ANO7: variants seen among roughly 807,000 people sequenced by gnomAD.
ANO7 encodes the protein anoctamin 7.
ANO7 carries 114 observed loss-of-function variants against 115.8 expected under a neutral mutation model. The ratio of observed to expected loss-of-function variants is 0.98; its 90% CI spans 0.85 to 1.15. The LOEUF (loss-of-function observed/expected upper bound fraction) is 1.15, where lower values mean the gene tolerates loss of function less well. Ranked by LOEUF, ANO7 falls within the 50% of genes most tolerant of loss-of-function variation. The pLI is 0.00. For synonymous variants in ANO7, 550 were observed against 498.2 expected (o/e 1.10, Z -1.38); for missense variants, 1,302 against 1,201.2 (o/e 1.08, Z -1.24).
rs1265689133 is a variant in ANO7, at chr2:241,207,571, C to T, written c.981-3C>T. 6.2e-7 allele frequency: 1 copy of T among 1,612,692 alleles called. No individual in the cohort carries two copies. The highest frequency in any genetic ancestry group is 1.7e-5 in the Admixed American group (1 of 60,014). On this transcript the variant is annotated splice_polypyrimidine_tract_variant and splice_region_variant and intron_variant, in intron 10 of 24. Transcript: ENST00000674324. ...TCCCACCCCTCCGCTCCATGCCTTG[C>T]AGGCAGGAACTGTGTGGCAGCAAGG...
chr2:241,230,287 C>T (rs750052815), downstream of ANO7: 15 of 1,470,070 alleles, frequency 1.0e-5, no homozygotes, highest in Middle Eastern at 5.3e-4. This position sits in a 1 kb window ranked among gnomAD's most constrained non-coding sequence, Gnocchi z 5.0. Context: ...GGGTGTACAA[C>T]GTCAGATGAG....
intron 1 of ANO7, 66 bp from the exon 2 acceptor site, chr2:241,189,991 C>A: frequency 7.8e-7 from 1 of 1,279,180 alleles, no homozygotes; most frequent in Non-Finnish European, 1.1e-6. Context: ...AGTGTGGTGG[C>A]CCCAGGAACG....
Position 241,199,352 on chromosome 2 carries a change from G to A in ANO7, c.346G>A (p.Ala116Thr), listed in dbSNP as rs141499501. The change falls in exon 5 of 25, where the codon GCC (alanine) becomes ACC (threonine). Residue 116 changes from alanine to threonine, a missense_variant. Ala to Thr is a moderately conservative substitution (Grantham distance 58). Transcript: ENST00000674324. ...GGACGGGAACACCACAGTGCACTAC[G>A]CCCTCCTCAGCGCCTCCTGGGCTGT... ...VQDGNTTVHY[A>T]LLSASWAVLC... is the part of the protein sequence containing the mutation. 61 of 1,613,680 alleles carry A rather than the reference G, an allele frequency of 3.8e-5. 1 individual carries two copies. The highest frequency in any genetic ancestry group is 8.3e-5 in the Admixed American group (5 of 60,022).
Position 241,209,280 on chromosome 2 carries a change from C to T in ANO7, c.1078-5C>T. 1 of 1,550,492 alleles carries T rather than the reference C, an allele frequency of 6.4e-7. No homozygotes were observed. Among genetic ancestry groups the T allele is most frequent in the African/African-American group, 1.4e-5 (1 of 73,356 alleles). ...AAGTCTGGACGCCCCCGCTCCCTGC[C>T]ACAGGCCGGCCGGCTGTTCGACCAC... On this transcript the variant is annotated splice_polypyrimidine_tract_variant and splice_region_variant and intron_variant, in intron 11 of 24. Coordinates refer to ENST00000674324, the MANE Select transcript of ANO7 (RefSeq NM_001370694.2).
intron 11 of ANO7, among the ~76,000 whole-genome samples, chr2:241,208,436 C>T (rs2068638022): frequency 6.6e-6 from 1 of 152,238 alleles, no homozygotes; most frequent in Non-Finnish European, 1.5e-5. Context: ...CTTCCATCTC[C>T]ACCTGGCCTT....
chr2:241,213,868 G>A (rs951938760), intron 17 of ANO7, among the ~76,000 whole-genome samples: 2 of 152,272 alleles, frequency 1.3e-5, no homozygotes, highest in Admixed American at 6.5e-5. Context: ...CATTTCATGT[G>A]AGAGGGGAAA....
chr2:241,209,770 GCCCCCAT>G, intron 13 of ANO7, 135 bp downstream of exon 13: 1 of 1,279,128 alleles, frequency 7.8e-7, no homozygotes, highest in Non-Finnish European at 1.0e-6. Context: ...CCGCAGAGAG[GCCCCCAT>G]GTGCCCGGGC....
the ANO7 span, chr2:241,239,865 C>T: frequency 2.5e-6 from 4 of 1,612,324 alleles, no homozygotes; most frequent in East Asian, 8.9e-5. This position sits in a 1 kb window ranked among gnomAD's most constrained non-coding sequence, Gnocchi z 4.6. Context: ...CCCATCACGG[C>T]CCCAGCAGAG....
chr2:241,238,619 C>A, the ANO7 span: 1 of 1,483,238 alleles, frequency 6.7e-7, no homozygotes, highest in Non-Finnish European at 9.0e-7. The surrounding 1 kb of genome is among the most constrained non-coding windows in gnomAD (Gnocchi z 4.9). Flanking sequence ...CCACTATTAA[C>A]AAGCAGAGCA....
rs1174512212 is a variant in ANO7 at position 241,224,090 on chromosome 2, T to C, written c.2584-7T>C. 1 of 1,613,852 alleles carries C rather than the reference T, an allele frequency of 6.2e-7. No individual in the cohort carries two copies. The highest frequency in any genetic ancestry group is 2.2e-5 in the East Asian group (1 of 44,856). ...TGACTTGTCCCTGCCCCCAACCCTC[T>C]CCCCAGCTCAGCTCCCACTGGACAC... On this transcript the variant is annotated splice_region_variant and splice_polypyrimidine_tract_variant and intron_variant, in intron 24 of 24. Coordinates refer to ENST00000674324, the MANE Select transcript of ANO7 (RefSeq NM_001370694.2).
intron 8 of ANO7, 143 bp downstream of exon 8, chr2:241,202,447 A>T (rs974251876): frequency 8.9e-6 from 6 of 673,710 alleles, no homozygotes; most frequent in Non-Finnish European, 1.5e-5. Context: ...ATGCACACAC[A>T]TGCGGCGATG....
rs2068463834 is a variant in ANO7, at chr2:241,201,279, A to G, written c.555-19A>G. On this transcript the variant is annotated intron_variant, in intron 6 of 24. Transcript: ENST00000674324. ...CCACAGCTTCCTCCAAACCTTCTGCACTGTTCACATGCCCACAGCTTCCTC... is the reference window on the plus strand; with the variant it reads ...CCACAGCTTCCTCCAAACCTTCTGCGCTGTTCACATGCCCACAGCTTCCTC... The G allele has an allele frequency of 1.9e-6, 3 of 1,589,806 alleles. No individual in the cohort carries two copies. The highest frequency in any genetic ancestry group is 1.7e-6 in the Non-Finnish European group (2 of 1,178,164).
chr2:241,208,860 A>G (rs1455814620), intron 11 of ANO7, among the ~76,000 whole-genome samples: 1 of 152,234 alleles, frequency 6.6e-6, no homozygotes, highest in South Asian at 2.1e-4. Flanking sequence ...TCCAAAACAC[A>G]GTCAGGGGGC....
chr2:241,189,335 C>T (rs1021001815), intron 1 of ANO7, among the ~76,000 whole-genome samples: 3 of 152,190 alleles, frequency 2.0e-5, no homozygotes, highest in African/African-American at 7.2e-5. Flanking sequence ...CTCCGACCTC[C>T]TGCGGCGCCT....
At chr2:241,214,756 T>G in intron 17 of ANO7, 49 bp from the exon 18 acceptor site, 1 of 1,529,694 alleles carries the variant, frequency 6.5e-7, no homozygotes, top group Non-Finnish European at 9.0e-7. Context: ...GATGCGTGGG[T>G]GAGTGGCTGG....
chr2:241,240,218 C>T, the ANO7 span: 1 of 1,191,258 alleles, frequency 8.4e-7, no homozygotes, highest in Admixed American at 1.7e-5. The surrounding 1 kb of genome is among the most constrained non-coding windows in gnomAD (Gnocchi z 5.5). Flanking sequence ...GCTCGGGCTC[C>T]CCTTACATTG....
chr2:241,218,187 G>T (rs1329632640), intron 20 of ANO7, 52 bp from the exon 21 acceptor site: 1 of 1,192,632 alleles, frequency 8.4e-7, no homozygotes, highest in Non-Finnish European at 1.0e-6. Context: ...CGGAGCGGGG[G>T]CGCGCAGGGG....
At chr2:241,226,484 G>T (rs561542687), downstream of ANO7, among the ~76,000 whole-genome samples, 1 of 151,710 alleles carries the variant, frequency 6.6e-6, no homozygotes, top group South Asian at 2.1e-4. Context: ...GAGTGCAGTG[G>T]TACGATCTCG....
intron 9 of ANO7, 99 bp from the exon 10 acceptor site, chr2:241,204,766 G>A (rs745466569): frequency 5.1e-5 from 43 of 848,082 alleles, no homozygotes; most frequent in Non-Finnish European, 6.8e-5. Context: ...AAGCTGGGCT[G>A]AGGGTGGTCC....
Sources: gnomAD v4.1 joint callset for allele counts (sites outside exome capture counted in the v4.1 genomes callset) on GRCh38, gnomAD v4.1.1 for gene constraint, Gnocchi (gnomAD v3.1) non-coding constraint, MANE v1.5 for transcripts, NCBI Gene and HGNC (gene_info 2026-07-23, HGNC 2026-07-21) for gene names.